The following EYS variants were observed in gnomAD, a reference collection of about 807,000 sequenced individuals.
EYS encodes the protein protein eyes shut homolog.
In EYS, 250 loss-of-function variants were observed where a neutral mutation model predicts 282.1. That is an observed-to-expected ratio of 0.89 (90% CI 0.80 to 0.98). The LOEUF is 0.98. EYS is among the 50% of genes least tolerant of loss of function. EYS has a pLI of 0.00. For missense variants in EYS, 4,016 were observed against 3,709.0 expected (o/e 1.08, Z -2.15); for synonymous variants, 1,355 against 1,282.9 (o/e 1.06, Z -1.20).
chr6:64,832,449 G>T (rs2150029004), intron 19 of EYS, among the ~76,000 whole-genome samples: 1 of 151,882 alleles, frequency 6.6e-6, no homozygotes, highest in East Asian at 1.9e-4. Context: ...AGGAGTGGGA[G>T]AAAATGCGTA....
intron 1 of EYS, among the ~76,000 whole-genome samples, chr6:65,683,134 A>C (rs1363109643): frequency 6.6e-6 from 1 of 152,024 alleles, no homozygotes; most frequent in East Asian, 1.9e-4. Flanking sequence ...TGGTGTATTC[A>C]TTTCAAAAAT....
chr6:63,936,873 C>T (rs1765074329), intron 35 of EYS, among the ~76,000 whole-genome samples: 1 of 152,058 alleles, frequency 6.6e-6, no homozygotes, highest in South Asian at 2.1e-4. Context: ...AAATCAGTAA[C>T]AAATAAGTTG....
intron 40 of EYS, among the ~76,000 whole-genome samples, chr6:63,773,933 T>C (rs201125642): frequency 6.6e-6 from 1 of 152,280 alleles, no homozygotes; most frequent in East Asian, 1.9e-4. Flanking sequence ...GTTTTTGGCT[T>C]TGACCTGATG....
At chr6:64,048,543 G>A (rs1039604457) in intron 33 of EYS, among the ~76,000 whole-genome samples, 1 of 152,076 alleles carries the variant, frequency 6.6e-6, no homozygotes, top group Non-Finnish European at 1.5e-5. Flanking sequence ...AATGGCCCCA[G>A]TACAAACATG....
intron 31 of EYS, among the ~76,000 whole-genome samples, chr6:64,220,492 T>C (rs1766067181): frequency 6.6e-6 from 1 of 152,142 alleles, no homozygotes; most frequent in South Asian, 2.1e-4. Context: ...GCTAGAGCCA[T>C]TGGATGAGGG....
chr6:65,608,740 T>C (rs1765890192), intron 2 of EYS, among the ~76,000 whole-genome samples: 1 of 152,026 alleles, frequency 6.6e-6, no homozygotes, highest in South Asian at 2.1e-4. Context: ...AAGCTTTTTA[T>C]AAAAATTTTA....
intron 12 of EYS, among the ~76,000 whole-genome samples, chr6:65,183,694 C>T (rs1329267637): frequency 6.6e-6 from 1 of 151,194 alleles, no homozygotes; most frequent in African/African-American, 2.4e-5. Flanking sequence ...TACTTTCTAC[C>T]CAGTTAGTAT....
chr6:63,821,392 A>G (rs756293475), intron 36 of EYS: 1 of 152,210 alleles, frequency 6.6e-6, no homozygotes, highest in Non-Finnish European at 1.5e-5. Context: ...TTGAGAGTAT[A>G]AAAGGCTTAT....
chr6:64,437,091 A>C (rs1448513472), intron 27 of EYS, among the ~76,000 whole-genome samples: 1 of 143,110 alleles, frequency 7.0e-6, no homozygotes, highest in East Asian at 2.3e-4. Context: ...TATATATTTT[A>C]ACTTTTTATG....
chr6:65,169,051 C>G (rs1452487637), intron 12 of EYS, among the ~76,000 whole-genome samples: 1 of 151,246 alleles, frequency 6.6e-6, no homozygotes, highest in Admixed American at 6.6e-5. Context: ...GAAATCATTC[C>G]CTATTCCTGA....
intron 15 of EYS, among the ~76,000 whole-genome samples, chr6:64,933,768 G>A (rs951306878): frequency 6.6e-6 from 1 of 152,110 alleles, no homozygotes; most frequent in Non-Finnish European, 1.5e-5. Flanking sequence ...TAAGGAAAAT[G>A]TGGCACATAT....
chr6:64,714,825 C>T (rs1771332573), intron 22 of EYS, among the ~76,000 whole-genome samples: 1 of 152,098 alleles, frequency 6.6e-6, no homozygotes, highest in Non-Finnish European at 1.5e-5. Context: ...CATGCCCGGC[C>T]TAAAACACAT....
intron 13 of EYS, among the ~76,000 whole-genome samples, chr6:65,032,180 G>A (rs2150144434): frequency 6.6e-6 from 1 of 152,150 alleles, no homozygotes; most frequent in Non-Finnish European, 1.5e-5. Flanking sequence ...AACCTCCCAA[G>A]ATTAAACCAG....
At chr6:65,562,626 T>G (rs1244098032) in intron 2 of EYS, among the ~76,000 whole-genome samples, 1 of 152,060 alleles carries the variant, frequency 6.6e-6, no homozygotes, top group Non-Finnish European at 1.5e-5. Context: ...TCCCAAAATA[T>G]ATAAAGTTTG....
At chr6:65,603,115 A>C (rs1765667377) in intron 2 of EYS, among the ~76,000 whole-genome samples, 1 of 151,964 alleles carries the variant, frequency 6.6e-6, no homozygotes, top group Admixed American at 6.6e-5. Context: ...ATCTATTCAA[A>C]GAATAAGTAG....
At chr6:64,562,794 A>T (rs1385353524) in intron 26 of EYS, among the ~76,000 whole-genome samples, 1 of 151,930 alleles carries the variant, frequency 6.6e-6, no homozygotes, top group African/African-American at 2.4e-5. Context: ...AATTTTTAGT[A>T]TATAATTCAC....
chr6:65,272,982 A>G (rs1767944999), intron 12 of EYS, among the ~76,000 whole-genome samples: 1 of 152,164 alleles, frequency 6.6e-6, no homozygotes, highest in Non-Finnish European at 1.5e-5. Flanking sequence ...TTTATTAAGT[A>G]ATGTAAACGT....
intron 1 of EYS, among the ~76,000 whole-genome samples, chr6:65,702,888 G>A (rs1439555158): frequency 6.6e-6 from 1 of 152,048 alleles, no homozygotes; most frequent in Non-Finnish European, 1.5e-5. Flanking sequence ...TCAAACATCA[G>A]TTTAGATGTT....
At chr6:64,636,266 A>T (rs911000002) in intron 22 of EYS, among the ~76,000 whole-genome samples, 4 of 152,174 alleles carry the variant, frequency 2.6e-5, no homozygotes, top group Non-Finnish European at 5.9e-5. Flanking sequence ...AACAGAACAG[A>T]GCCCTCAGAA....
Sources: gnomAD v4.1 joint callset for allele counts (sites outside exome capture counted in the v4.1 genomes callset) on GRCh38, gnomAD v4.1.1 for gene constraint, MANE v1.5 for transcripts, NCBI Gene and HGNC (gene_info 2026-07-23, HGNC 2026-07-21) for gene names.